BRDT: variants seen among roughly 807,000 people sequenced by gnomAD.
The protein encoded by BRDT is bromodomain testis associated.
Under a neutral mutation model 113.9 loss-of-function variants are expected in BRDT, and 77 were observed. The observed-to-expected ratio is 0.68, with a 90% CI of 0.56 to 0.82. BRDT has a LOEUF of 0.82. Among genes scored for constraint, BRDT ranks in the 40% least tolerant of loss-of-function variants. The pLI is 0.00. For synonymous variants in BRDT, 358 were observed against 366.5 expected (o/e 0.98, Z 0.26); for missense variants, 1,027 against 1,105.4 (o/e 0.93, Z 1.01).
chr1:91,968,533 C>T (rs1683300232), intron 4 of BRDT, among the ~76,000 whole-genome samples: 1 of 152,136 alleles, frequency 6.6e-6, no homozygotes, highest in Non-Finnish European at 1.5e-5. Context: ...AAAATCATAG[C>T]TGTTACTGCT....
intron 4 of BRDT, among the ~76,000 whole-genome samples, chr1:91,975,293 T>TA (rs934876511): frequency 2.4e-4 from 36 of 151,648 alleles, no homozygotes; most frequent in African/African-American, 8.5e-4. Flanking sequence ...AAAAAAATTT[T>TA]AAAAAAAAAG....
At chr1:91,998,352 G>A (rs1686536939) in intron 15 of BRDT, among the ~76,000 whole-genome samples, 1 of 152,050 alleles carries the variant, frequency 6.6e-6, no homozygotes, top group Admixed American at 6.6e-5. Context: ...ACTGGGGCCT[G>A]TTGGGGGATG....
At chr1:91,953,562 C>T (rs994318010) in intron 1 of BRDT, among the ~76,000 whole-genome samples, 1 of 152,128 alleles carries the variant, frequency 6.6e-6, no homozygotes, top group Non-Finnish European at 1.5e-5. Flanking sequence ...TGCCTGTAAT[C>T]CCAGCTTCTT....
rs1488074368 is a variant in BRDT at position 91,970,761 on chromosome 1, T to C, written c.445+2501T>C. 2.6e-5 allele frequency among the ~76,000 whole-genome samples: 4 copies of C among 151,948 alleles called. No homozygotes were observed. The East Asian group carries it at 5.8e-4, about 22-fold the overall frequency. ...ACCCTTTATAGAAAAATTTGAAACT[T>C]TGCCAGGTATAGTGGCATGCACTTG... On this transcript the variant is annotated intron_variant, in intron 4 of 18. Transcript: ENST00000399546.
At chr1:91,959,896 C>T (rs760920062) in intron 1 of BRDT, among the ~76,000 whole-genome samples, 9 of 152,112 alleles carry the variant, frequency 5.9e-5, no homozygotes, top group Admixed American at 2.0e-4. Flanking sequence ...CAATCTTGGC[C>T]GCACATCAGA....
At chr1:91,963,786 G>A (rs1191786815) in intron 2 of BRDT, among the ~76,000 whole-genome samples, 1 of 92,406 alleles carries the variant, frequency 1.1e-5, no homozygotes, top group East Asian at 4.6e-4. Context: ...CATCTTTATT[G>A]GCTTTTTTTT....
chr1:91,990,059 G>A (rs1685624941), intron 12 of BRDT, among the ~76,000 whole-genome samples: 1 of 152,204 alleles, frequency 6.6e-6, no homozygotes. Flanking sequence ...GGCTTGGAGA[G>A]ACTGATCAGG....
intron 6 of BRDT, 122 bp from the exon 7 acceptor site, chr1:91,978,046 G>A: frequency 1.1e-6 from 1 of 950,486 alleles, no homozygotes; most frequent in Admixed American, 3.1e-5. Flanking sequence ...TGTCAAATCT[G>A]GATGGTGGAC....
At chr1:91,964,934 G>T (rs1189949923) in intron 3 of BRDT, among the ~76,000 whole-genome samples, 170 bp downstream of exon 3, 3 of 147,866 alleles carry the variant, frequency 2.0e-5, no homozygotes, top group Non-Finnish European at 4.5e-5. Context: ...TTTTGAGATG[G>T]AGTCTGGCTC....
intron 18 of BRDT, among the ~76,000 whole-genome samples, chr1:92,008,075 G>A (rs568720024): frequency 1.3e-5 from 2 of 152,068 alleles, no homozygotes; most frequent in South Asian, 2.1e-4. Flanking sequence ...CCACCACCAC[G>A]CCTGGTAAAT....
chr1:91,993,911 G>A (rs768818492), intron 14 of BRDT, among the ~76,000 whole-genome samples, 172 bp from the exon 15 acceptor site: 5 of 152,148 alleles, frequency 3.3e-5, no homozygotes, highest in Admixed American at 6.5e-5. Context: ...ACCCCAGTTT[G>A]CTCATTTGCA....
intron 7 of BRDT, among the ~76,000 whole-genome samples, chr1:91,979,311 C>G (rs1321311618): frequency 6.6e-6 from 1 of 151,920 alleles, no homozygotes; most frequent in African/African-American, 2.4e-5. Context: ...CGGGGTTTCT[C>G]CATGTTGGTC....
At chr1:91,998,710 A>T (rs1284605767) in intron 15 of BRDT, among the ~76,000 whole-genome samples, 1 of 152,206 alleles carries the variant, frequency 6.6e-6, no homozygotes, top group Non-Finnish European at 1.5e-5. Flanking sequence ...GAATCACCTG[A>T]TGTGTTTGGC....
chr1:91,949,385 T>TC (rs962291361), upstream of BRDT: 1 of 152,244 alleles, frequency 6.6e-6, no homozygotes, highest in African/African-American at 2.4e-5. Flanking sequence ...AAAGCGCCTG[T>TC]CGCGCGACCG....
At chr1:91,968,611 T>TA (rs372318650) in intron 4 of BRDT, among the ~76,000 whole-genome samples, 10 of 151,780 alleles carry the variant, frequency 6.6e-5, no homozygotes, top group East Asian at 1.9e-4. Context: ...CTCTCTGTAT[T>TA]AAAAAAAAAT....
At chr1:91,961,467 A>C (rs993940335) in intron 1 of BRDT, among the ~76,000 whole-genome samples, 1 of 152,034 alleles carries the variant, frequency 6.6e-6, no homozygotes, top group Non-Finnish European at 1.5e-5. Flanking sequence ...CTGTCTCTAC[A>C]AAAAAATACA....
rs113600105 is a variant in BRDT at position 91,981,700 on chromosome 1, G to A, written c.1947G>A (p.Glu649=). 2,140 of 1,614,164 alleles carry A rather than the reference G, an allele frequency of 1.3e-3. 25 individuals are homozygous for A. In the African/African-American group the frequency reaches 0.025, roughly 19 times the overall value. ...GCAGCAGCAGCAGCAGCTCATCAGA[G>A]TCTGAAAGTAGCAGCAGTGACTTAA... ...ESSSSSSSSS[E]SESSSSDLSS... Residue 649 remains glutamate, a synonymous_variant, in exon 12 of 19, where the codon GAG becomes GAA. Coordinates refer to ENST00000399546, the MANE Select transcript of BRDT (RefSeq NM_207189.4).
intron 18 of BRDT, among the ~76,000 whole-genome samples, chr1:92,008,963 G>A (rs1687570260): frequency 6.6e-6 from 1 of 152,112 alleles, no homozygotes; most frequent in South Asian, 2.1e-4. Flanking sequence ...CTCACCTTTT[G>A]TGGTGAGAAC....
chr1:91,997,016 A>T (rs1271666237), intron 15 of BRDT, among the ~76,000 whole-genome samples: 1 of 152,212 alleles, frequency 6.6e-6, no homozygotes, highest in Admixed American at 6.5e-5. Context: ...AATTCTAAGA[A>T]ACAAAACCTC....
Sources: allele counts gnomAD v4.1 joint callset (sites outside exome capture counted in the v4.1 genomes callset), GRCh38; gene constraint gnomAD v4.1.1; transcripts MANE v1.5; gene names NCBI Gene and HGNC (gene_info 2026-07-23, HGNC 2026-07-21).